Variants in TENM2 observed in about 807,000 individuals in gnomAD.
TENM2 encodes the protein teneurin-2.
In TENM2, 52 loss-of-function variants were observed where a neutral mutation model predicts 245.2. That is an observed-to-expected ratio of 0.21 (90% CI 0.17 to 0.27). The LOEUF (loss-of-function observed/expected upper bound fraction) is 0.27. Among genes scored for constraint, TENM2 ranks in the 10% least tolerant of loss-of-function variants. The probability of loss-of-function intolerance (pLI) is 1.00; values close to 1 mark genes in which losing one functional copy is unlikely to be tolerated. For synonymous variants in TENM2, 1,363 were observed against 1,438.9 expected (o/e 0.95, Z 1.19); for missense variants, 3,046 against 3,666.8 (o/e 0.83, Z 4.37).
intron 2 of TENM2, among the ~76,000 whole-genome samples, chr5:167,603,055 C>A (rs533787946): frequency 6.6e-6 from 1 of 152,170 alleles, no homozygotes; most frequent in African/African-American, 2.4e-5. Context: ...TAGAAAAACA[C>A]AAAAGTAACC....
chr5:167,641,747 A>G (rs1158125210), intron 2 of TENM2, among the ~76,000 whole-genome samples: 1 of 152,176 alleles, frequency 6.6e-6, no homozygotes, highest in Non-Finnish European at 1.5e-5. Flanking sequence ...CTTCCTCGTC[A>G]GTAAAAAGGG....
intron 2 of TENM2, among the ~76,000 whole-genome samples, chr5:167,853,172 T>C (rs1426128575): frequency 1.3e-5 from 2 of 150,170 alleles, no homozygotes; most frequent in Non-Finnish European, 3.0e-5. Context: ...CGCCTGTAGT[T>C]CCAGCTACTC....
intron 22 of TENM2, among the ~76,000 whole-genome samples, chr5:168,217,332 T>C (rs1421093100): frequency 6.6e-6 from 1 of 152,212 alleles, no homozygotes; most frequent in African/African-American, 2.4e-5. Flanking sequence ...ACCTTTACTT[T>C]GTGCAGTAGT....
chr5:168,107,884 T>C (rs1347056982), intron 9 of TENM2, among the ~76,000 whole-genome samples: 1 of 152,264 alleles, frequency 6.6e-6, no homozygotes, highest in African/African-American at 2.4e-5. Flanking sequence ...TGCAGTCACC[T>C]GGGCTTGGCA....
rs190692733 is a variant in TENM2 at position 167,845,762 on chromosome 5, T to C, written c.503-30224T>C. 1.2e-4 allele frequency among the ~76,000 whole-genome samples: 19 copies of C among 152,310 alleles called. No individual in the cohort carries two copies. The East Asian group carries it at 3.7e-3, about 29-fold the overall frequency. Reference sequence around the variant, plus strand: ...ACCTGTTTTCAAAAACACTCTTCGCTGATTATCTCATTTTGTCTTCAAAAT... The same window carrying C: ...ACCTGTTTTCAAAAACACTCTTCGCCGATTATCTCATTTTGTCTTCAAAAT... On this transcript the variant is annotated intron_variant, in intron 2 of 28. Coordinates refer to ENST00000518659, the Ensembl canonical transcript of TENM2.
chr5:167,603,385 G>A (rs953972947), intron 2 of TENM2, among the ~76,000 whole-genome samples: 49 of 152,132 alleles, frequency 3.2e-4, no homozygotes, highest in African/African-American at 1.1e-3. Context: ...CTTACAGGAT[G>A]TTTAAAAATA....
chr5:167,435,462 T>G (rs922078499), intron 2 of TENM2, among the ~76,000 whole-genome samples: 1 of 152,234 alleles, frequency 6.6e-6, no homozygotes, highest in Non-Finnish European at 1.5e-5. Context: ...CCTTTCACCT[T>G]CTGCCATGAT....
intron 2 of TENM2, among the ~76,000 whole-genome samples, chr5:167,602,024 G>GAA (rs35674224): frequency 6.9e-6 from 1 of 145,670 alleles, no homozygotes; most frequent in Non-Finnish European, 1.5e-5. Context: ...TTATTGGATA[G>GAA]AAAAAAAAAA....
chr5:167,948,839 C>G (rs1779850288), intron 3 of TENM2: 1 of 152,192 alleles, frequency 6.6e-6, no homozygotes, highest in Admixed American at 6.5e-5. Flanking sequence ...GTTCCTTCAT[C>G]AAGCTGAGTT....
At chr5:167,595,910 A>G (rs1776173776) in intron 2 of TENM2, among the ~76,000 whole-genome samples, 1 of 152,182 alleles carries the variant, frequency 6.6e-6, no homozygotes, top group Non-Finnish European at 1.5e-5. Flanking sequence ...TGCAGTCACT[A>G]AGCATGGGGA....
chr5:167,060,471 T>TG, the TENM2 span, among the ~76,000 whole-genome samples: 1 of 151,870 alleles, frequency 6.6e-6, no homozygotes, highest in Admixed American at 6.6e-5. Flanking sequence ...GCCAACATGG[T>TG]GAAACCCTGT....
Position 167,635,633 on chromosome 5 carries a change from C to CTTTTTTTTTTTT in TENM2, c.503-240335_503-240324dup, listed in dbSNP as rs76155764. Reference sequence around the variant, plus strand: ...GGAATCTGGCTATGATCAGTACAGTCTTTTTTTTTTTTTTTTTTTTTTTTT... The same window carrying CTTTTTTTTTTTT: ...GGAATCTGGCTATGATCAGTACAGTCTTTTTTTTTTTTTTTTTTTTTTTTTTTTTTTTTTTTT... On this transcript the variant is annotated intron_variant, in intron 2 of 28. Transcript: ENST00000518659. Among the ~76,000 whole-genome samples the CTTTTTTTTTTTT allele has an allele frequency of 1.7e-3, 131 of 74,932 alleles. 27 individuals carry two copies. The highest frequency in any genetic ancestry group is 5.8e-3 in the East Asian group (10 of 1,712). The allele number at this position is 74,932 out of a possible 152,430, so 49.2% of individuals were successfully genotyped here.
the TENM2 span, among the ~76,000 whole-genome samples, chr5:167,146,749 T>G: frequency 6.6e-6 from 1 of 152,154 alleles, no homozygotes; most frequent in Non-Finnish European, 1.5e-5. Flanking sequence ...CACACTGATT[T>G]TAAATCCAAT....
chr5:167,972,906 C>A (rs997678042), intron 4 of TENM2, among the ~76,000 whole-genome samples: 6 of 152,180 alleles, frequency 3.9e-5, no homozygotes, highest in African/African-American at 1.4e-4. Flanking sequence ...CTGACTCTCT[C>A]ACTCCCCTTG....
At chr5:167,570,141 G>A (rs563362200) in intron 2 of TENM2, among the ~76,000 whole-genome samples, 3 of 152,232 alleles carry the variant, frequency 2.0e-5, no homozygotes, top group South Asian at 4.1e-4. Flanking sequence ...CAGGCTGGGC[G>A]GACAGTAAGC....
At chr5:167,620,050 G>A (rs114579275) in intron 2 of TENM2, among the ~76,000 whole-genome samples, 1 of 152,164 alleles carries the variant, frequency 6.6e-6, no homozygotes, top group Non-Finnish European at 1.5e-5. Flanking sequence ...TGTATTTTAA[G>A]AGTAGGGTTG....
intron 25 of TENM2, among the ~76,000 whole-genome samples, chr5:168,236,935 T>C: frequency 1.4e-5 from 1 of 72,494 alleles, no homozygotes; most frequent in Non-Finnish European, 2.6e-5. Context: ...ACAGATGTCC[T>C]AATCATATAT....
intron 3 of TENM2, among the ~76,000 whole-genome samples, chr5:167,913,138 A>G (rs191112459): frequency 7.0e-4 from 107 of 152,288 alleles, no homozygotes; most frequent in African/African-American, 2.5e-3. Flanking sequence ...GGGGGCGCTC[A>G]CCCAAGCTCC....
chr5:168,103,194 C>T (rs1441594039), intron 9 of TENM2, among the ~76,000 whole-genome samples: 3 of 152,166 alleles, frequency 2.0e-5, no homozygotes, highest in Non-Finnish European at 2.9e-5. Flanking sequence ...AACCAATCCT[C>T]CCCACTACAA....
Sources: gnomAD v4.1 joint callset for allele counts (sites outside exome capture counted in the v4.1 genomes callset) on GRCh38, gnomAD v4.1.1 for gene constraint, MANE v1.5 for transcripts, NCBI Gene and HGNC (gene_info 2026-07-23, HGNC 2026-07-21) for gene names.